The following RGS7 variants were observed in gnomAD, a reference collection of about 807,000 sequenced individuals.
The protein encoded by RGS7 is regulator of G protein signaling 7.
In RGS7, 27 loss-of-function variants were observed where a neutral mutation model predicts 81.1. That is an observed-to-expected ratio of 0.33 (90% CI 0.25 to 0.46). The LOEUF is 0.46. RGS7 is among the 20% of genes least tolerant of loss of function. The probability of loss-of-function intolerance (pLI) is 1.00; values close to 1 mark genes in which losing one functional copy is unlikely to be tolerated. For missense variants in RGS7, 396 were observed against 607.4 expected (o/e 0.65, Z 3.66); for synonymous variants, 208 against 207.7 (o/e 1.00, Z -0.01).
intron 3 of RGS7, among the ~76,000 whole-genome samples, chr1:241,050,031 T>C (rs1205102744): frequency 2.0e-5 from 3 of 152,302 alleles, no homozygotes; most frequent in Admixed American, 1.3e-4. Flanking sequence ...CTTCCTCTAG[T>C]TATAGCCTTC....
At chr1:241,138,813 T>G (rs1177062465) in intron 2 of RGS7, among the ~76,000 whole-genome samples, 1 of 152,232 alleles carries the variant, frequency 6.6e-6, no homozygotes, top group African/African-American at 2.4e-5. Context: ...TTCCTCATAA[T>G]ATATGCTTTT....
chr1:241,333,534 C>T (rs1055941359), intron 2 of RGS7, among the ~76,000 whole-genome samples: 3 of 152,174 alleles, frequency 2.0e-5, no homozygotes, highest in African/African-American at 4.8e-5. Flanking sequence ...TGATATTCCT[C>T]ATCTACCATA....
At position 241,248,353 on chromosome 1, in the gene RGS7, C is replaced by CAT. The variant is rs945085632; in HGVS notation, c.78+107344_78+107345dup. Among the ~76,000 whole-genome samples the CAT allele has an allele frequency of 6.2e-4, 90 of 145,776 alleles. No individual in the cohort carries two copies. In the South Asian group the frequency reaches 7.5e-3, roughly 12 times the overall value. On this transcript the variant is annotated intron_variant, in intron 2 of 18. Coordinates refer to ENST00000440928, the MANE Select transcript of RGS7 (RefSeq NM_001364886.1). The stretch of plus-strand genomic sequence containing the variant: ...CTGGGTCCTGTTGTAGATATATATA[C>CAT]ATATATATATATACGTATATATATG...
chr1:241,106,622 A>C (rs1274590150), intron 2 of RGS7, among the ~76,000 whole-genome samples: 5 of 150,424 alleles, frequency 3.3e-5, no homozygotes, highest in African/African-American at 1.2e-4. Context: ...AGTCTGAGGC[A>C]GGAGAATCCC....
intron 6 of RGS7, among the ~76,000 whole-genome samples, chr1:240,921,083 G>GGAGAA (rs1410200241): frequency 6.6e-6 from 1 of 152,052 alleles, no homozygotes; most frequent in Admixed American, 6.6e-5. Context: ...CTGCTTGGGT[G>GGAGAA]GAGAAGCCGT....
At chr1:241,066,401 C>CA (rs965529032) in intron 3 of RGS7, among the ~76,000 whole-genome samples, 172 of 152,270 alleles carry the variant, frequency 1.1e-3, no homozygotes, top group African/African-American at 4.0e-3. Flanking sequence ...ATAAGCAACA[C>CA]AAATAAAGAA....
intron 2 of RGS7, among the ~76,000 whole-genome samples, chr1:241,324,972 C>G (rs566023567): frequency 6.6e-6 from 1 of 152,234 alleles, no homozygotes; most frequent in South Asian, 2.1e-4. Context: ...TCCAAAAAAG[C>G]AGTAGCTATA....
intron 4 of RGS7, among the ~76,000 whole-genome samples, chr1:240,938,125 G>A (rs1206510003): frequency 2.0e-5 from 3 of 152,086 alleles, no homozygotes; most frequent in Admixed American, 1.3e-4. Flanking sequence ...GTATCCTCAG[G>A]GGATTGGTTT....
At chr1:240,885,263 G>A (rs1349370068) in intron 6 of RGS7, among the ~76,000 whole-genome samples, 2 of 152,114 alleles carry the variant, frequency 1.3e-5, no homozygotes, top group African/African-American at 2.4e-5. Flanking sequence ...AGATGCTGGC[G>A]AGGTTGCAGA....
At chr1:241,005,918 A>G (rs2058669450) in intron 3 of RGS7, among the ~76,000 whole-genome samples, 1 of 152,192 alleles carries the variant, frequency 6.6e-6, no homozygotes, top group East Asian at 1.9e-4. Flanking sequence ...TTGCTGAGTC[A>G]CTTCCACTGT....
intron 3 of RGS7, among the ~76,000 whole-genome samples, chr1:241,058,059 G>A (rs940663125): frequency 1.3e-5 from 2 of 151,996 alleles, no homozygotes; most frequent in African/African-American, 2.4e-5. Flanking sequence ...ATAATTGGTC[G>A]CAGCCAGCAC....
At position 240,912,001 on chromosome 1, in the gene RGS7, A is replaced by G. The variant is rs1007224059; in HGVS notation, c.385+18716T>C. Among the ~76,000 whole-genome samples, 5 of 151,228 alleles carry G rather than the reference A, an allele frequency of 3.3e-5. No individual in the cohort carries two copies. In the East Asian group the frequency reaches 9.7e-4, roughly 29 times the overall value. Reference sequence around the variant, plus strand: ...CTAAAAATACCAAAAAAAAAAAAAAATTAGCCAGGCGAAGTGGCAGGGGCC... The same window carrying G: ...CTAAAAATACCAAAAAAAAAAAAAAGTTAGCCAGGCGAAGTGGCAGGGGCC... On this transcript the variant is annotated intron_variant, in intron 6 of 18. Transcript: ENST00000440928.
At chr1:241,308,567 T>C (rs1167756789) in intron 2 of RGS7, among the ~76,000 whole-genome samples, 1 of 152,208 alleles carries the variant, frequency 6.6e-6, no homozygotes, top group Non-Finnish European at 1.5e-5. Context: ...GTGTGAATAC[T>C]TCAGCAGGCT....
intron 6 of RGS7, among the ~76,000 whole-genome samples, chr1:240,907,925 A>G (rs1671094170): frequency 6.6e-6 from 1 of 152,050 alleles, no homozygotes; most frequent in Admixed American, 6.6e-5. Context: ...ATTCGTTTTG[A>G]TTTAAATTAT....
chr1:240,778,584 G>A (rs1044119714), intron 18 of RGS7, among the ~76,000 whole-genome samples: 1 of 152,202 alleles, frequency 6.6e-6, no homozygotes, highest in Non-Finnish European at 1.5e-5. Flanking sequence ...TCAGGCTGAA[G>A]TGCAGTGGCG....
intron 2 of RGS7, among the ~76,000 whole-genome samples, chr1:241,169,848 G>A (rs4351626): frequency 0.16 from 24,060 of 152,026 alleles, 2,801 homozygotes; most frequent in African/African-American, 0.32. Flanking sequence ...GTTCGTATGC[G>A]TGTGTGAGTG....
chr1:240,918,027 A>G (rs905772539), intron 6 of RGS7, among the ~76,000 whole-genome samples: 4 of 152,232 alleles, frequency 2.6e-5, no homozygotes, highest in Non-Finnish European at 4.4e-5. Flanking sequence ...TTGCATAACA[A>G]CAGAAGGTTC....
chr1:241,349,701 G>T (rs569357941), intron 2 of RGS7, among the ~76,000 whole-genome samples: 7 of 152,314 alleles, frequency 4.6e-5, no homozygotes, highest in African/African-American at 1.7e-4. Flanking sequence ...TTGATATTTT[G>T]TAGGATAGAA....
At chr1:241,000,179 T>TCTC (rs2148625308) in intron 3 of RGS7, among the ~76,000 whole-genome samples, 1 of 152,060 alleles carries the variant, frequency 6.6e-6, no homozygotes, top group African/African-American at 2.4e-5. Context: ...GGATATCCAG[T>TCTC]CTCCTCTCGT....
Sources: gnomAD v4.1 joint callset for allele counts (sites outside exome capture counted in the v4.1 genomes callset) on GRCh38, gnomAD v4.1.1 for gene constraint, MANE v1.5 for transcripts, NCBI Gene and HGNC (gene_info 2026-07-23, HGNC 2026-07-21) for gene names.